TENM4: variants seen among roughly 807,000 people sequenced by gnomAD.
TENM4 encodes the protein teneurin-4.
In TENM4, 82 loss-of-function variants were observed where a neutral mutation model predicts 243.3. That is an observed-to-expected ratio of 0.34 (90% confidence interval 0.28 to 0.40). TENM4 has a LOEUF of 0.40. TENM4 is among the 10% of genes least tolerant of loss of function. The pLI is 1.00. For synonymous variants in TENM4, 1,412 were observed against 1,456.3 expected (o/e 0.97, Z 0.69); for missense variants, 3,138 against 3,673.3 (o/e 0.85, Z 3.77).
intron 1 of TENM4, among the ~76,000 whole-genome samples, chr11:79,298,983 G>A (rs995323594): frequency 1.3e-5 from 2 of 151,922 alleles, no homozygotes; most frequent in African/African-American, 2.4e-5. Flanking sequence ...CTGTAACAAC[G>A]TTGCTAACAG....
intron 1 of TENM4, among the ~76,000 whole-genome samples, chr11:79,432,621 GGGGAGGGTGGA>G (rs1310485493): frequency 6.6e-6 from 1 of 152,172 alleles, no homozygotes; most frequent in Non-Finnish European, 1.5e-5. Context: ...AAACAAGGTT[GGGGAGGGTGGA>G]TATTTAACCA....
At chr11:79,185,634 T>C (rs142824998) in intron 3 of TENM4, among the ~76,000 whole-genome samples, 121 of 152,296 alleles carry the variant, frequency 7.9e-4, no homozygotes, top group African/African-American at 2.6e-3. Flanking sequence ...CCATTTAACT[T>C]TCACATTGCT....
intron 17 of TENM4, 69 bp from the exon 18 acceptor site, chr11:78,771,207 C>T (rs184817293): frequency 6.6e-7 from 1 of 1,526,696 alleles, no homozygotes; most frequent in South Asian, 1.2e-5. Flanking sequence ...CACTAACACG[C>T]TACCTGCCAA....
intron 2 of TENM4, among the ~76,000 whole-genome samples, chr11:79,256,585 C>T (rs1014759158): frequency 4.6e-5 from 7 of 152,190 alleles, no homozygotes; most frequent in Admixed American, 2.0e-4. Flanking sequence ...ACAAGAGAAC[C>T]ATTTGAGTTT....
Position 79,438,455 on chromosome 11 carries a change from G to C in TENM4, c.-321+2054C>G, listed in dbSNP as rs1014838226. On this transcript the variant is annotated intron_variant, in intron 1 of 33. Coordinates refer to ENST00000278550, the MANE Select transcript of TENM4 (RefSeq NM_001098816.3). This position sits in a 1 kb window ranked among gnomAD's most constrained non-coding sequence, Gnocchi z 4.1. ...CCCATCCCGTCCCCATCAGCGCCGG[G>C]CTAGCGCAGGAAACCAGGAATAGGT... Among the ~76,000 whole-genome samples the C allele has an allele frequency of 6.6e-6, 1 of 152,154 alleles. No individual in the cohort carries two copies. The highest frequency in any genetic ancestry group is 1.5e-5 in the Non-Finnish European group (1 of 68,028).
chr11:79,188,890 G>A (rs1863425809), intron 3 of TENM4, among the ~76,000 whole-genome samples: 1 of 152,178 alleles, frequency 6.6e-6, no homozygotes, highest in African/African-American at 2.4e-5. Context: ...CATGTTACCT[G>A]CAAGCATGCA....
At chr11:78,793,386 G>C (rs1279534974) in intron 15 of TENM4, among the ~76,000 whole-genome samples, 1 of 152,114 alleles carries the variant, frequency 6.6e-6, no homozygotes, top group East Asian at 1.9e-4. Flanking sequence ...GGACCTCCTG[G>C]GAAGTCCTTT....
intron 2 of TENM4, among the ~76,000 whole-genome samples, chr11:79,239,871 C>T (rs966914995): frequency 2.2e-4 from 33 of 152,266 alleles, no homozygotes; most frequent in Middle Eastern, 3.4e-3. Context: ...TAAGGGACCA[C>T]GTGACTTTGG....
intron 29 of TENM4, among the ~76,000 whole-genome samples, chr11:78,676,768 TTTAAG>T (rs1245975953): frequency 1.0e-3 from 156 of 152,372 alleles, no homozygotes; most frequent in African/African-American, 3.4e-3. Flanking sequence ...ATGAAAATAC[TTTAAG>T]TTATTTAACC....
chr11:79,344,647 G>C (rs1338863808), intron 1 of TENM4, among the ~76,000 whole-genome samples: 1 of 152,184 alleles, frequency 6.6e-6, no homozygotes, highest in Non-Finnish European at 1.5e-5. Flanking sequence ...ATCCTTCCCT[G>C]TCTTCTTCCA....
intron 6 of TENM4, among the ~76,000 whole-genome samples, chr11:79,047,387 C>T (rs1859683025): frequency 6.6e-6 from 1 of 152,204 alleles, no homozygotes; most frequent in Non-Finnish European, 1.5e-5. Flanking sequence ...TAGTGGGCAG[C>T]TCTTTTTCAT....
At position 78,658,128 on chromosome 11, in the gene TENM4, T is replaced by C. The variant is rs1857939659; in HGVS notation, c.8240A>G (p.Gln2747Arg). The C allele has an allele frequency of 6.2e-7, 1 of 1,613,946 alleles. No individual in the cohort carries two copies. The highest frequency in any genetic ancestry group is 1.1e-5 in the South Asian group (1 of 91,092). The change falls in exon 34 of 34, where the codon CAG (glutamine) becomes CGG (arginine). Residue 2747 changes from glutamine (Q) to arginine (R), a missense_variant. Around this residue, in one of 2 missense-constraint regions of TENM4, gnomAD observed 2,467 missense variants for 3,059.1 expected, o/e 0.81. Coordinates refer to ENST00000278550, the MANE Select transcript of TENM4 (RefSeq NM_001098816.3). ...GGCGCTGTCTGACAGTTCTGGGTAC[T>C]GCTCGACAGAGATCACGAAAAAGCC... ...YDGFFVISVE[Q>R]YPELSDSANN...
At chr11:78,874,227 G>A (rs558099106) in intron 9 of TENM4, among the ~76,000 whole-genome samples, 2 of 152,044 alleles carry the variant, frequency 1.3e-5, no homozygotes, top group East Asian at 3.9e-4. Context: ...TAACCAACCT[G>A]ACTCTTAGTT....
At chr11:79,137,031 G>A (rs916654547) in intron 4 of TENM4, among the ~76,000 whole-genome samples, 2 of 152,090 alleles carry the variant, frequency 1.3e-5, no homozygotes, top group Admixed American at 6.6e-5. Flanking sequence ...CATGTTTCCA[G>A]GAATCAGGGG....
At chr11:78,785,086 G>A (rs542822241) in intron 16 of TENM4, among the ~76,000 whole-genome samples, 1 of 151,242 alleles carries the variant, frequency 6.6e-6, no homozygotes, top group East Asian at 1.9e-4. Flanking sequence ...TTTTTAGATA[G>A]GTGTGGGCTT....
chr11:79,104,930 G>T (rs765060398), intron 4 of TENM4, among the ~76,000 whole-genome samples: 2 of 152,152 alleles, frequency 1.3e-5, no homozygotes, highest in Non-Finnish European at 2.9e-5. Context: ...TCAACTGAAC[G>T]GCTGCTTGGA....
chr11:79,382,836 A>T (rs1441205906), intron 1 of TENM4, among the ~76,000 whole-genome samples: 1 of 152,156 alleles, frequency 6.6e-6, no homozygotes, highest in African/African-American at 2.4e-5. Flanking sequence ...ATGAGACATT[A>T]AAACCACTGC....
At chr11:79,204,467 T>C (rs1863809092) in intron 3 of TENM4, among the ~76,000 whole-genome samples, 1 of 152,118 alleles carries the variant, frequency 6.6e-6, no homozygotes, top group Non-Finnish European at 1.5e-5. Flanking sequence ...AAGTTTCCAG[T>C]CTGGTTGGGG....
intron 1 of TENM4, among the ~76,000 whole-genome samples, chr11:79,335,113 T>A (rs1251831886): frequency 6.6e-6 from 1 of 152,242 alleles, no homozygotes; most frequent in East Asian, 1.9e-4. Context: ...TACAATCCTA[T>A]TTCCTTTTCG....
Sources: gnomAD v4.1 joint callset for allele counts (sites outside exome capture counted in the v4.1 genomes callset) on GRCh38, gnomAD v4.1.1 for gene constraint, gnomAD v4.1.1 regional missense constraint, Gnocchi (gnomAD v3.1) non-coding constraint, MANE v1.5 for transcripts, NCBI Gene and HGNC (gene_info 2026-07-23, HGNC 2026-07-21) for gene names.